Variants in FBXL4 observed in about 807,000 individuals in gnomAD.
The protein encoded by FBXL4 is F-box/LRR-repeat protein 4.
A neutral mutation model predicts 58.9 loss-of-function variants in FBXL4; 40 were observed. That is an observed-to-expected ratio of 0.68 (90% CI 0.53 to 0.88). The LOEUF (loss-of-function observed/expected upper bound fraction) is 0.88. Ranked by LOEUF, FBXL4 falls within the 40% of genes least tolerant of loss-of-function variation. The probability of loss-of-function intolerance (pLI) is 0.00; values close to 1 mark genes in which losing one functional copy is unlikely to be tolerated. For missense variants in FBXL4, 676 were observed against 734.4 expected, an observed-to-expected ratio of 0.92 and a Z score of 0.92; for synonymous variants, 263 against 265.5, an observed-to-expected ratio of 0.99 and a Z score of 0.09.
At chr6:98,917,795 C>T (rs1043584501) in intron 4 of FBXL4, 76 bp from the exon 5 acceptor site, 23 of 957,146 alleles carry the variant, frequency 2.4e-5, no homozygotes, top group Non-Finnish European at 3.6e-5. Flanking sequence ...TAGACCCATG[C>T]CCAATATGTC....
At chr6:98,895,220 C>G (rs1180312025) in intron 7 of FBXL4, among the ~76,000 whole-genome samples, 3 of 152,190 alleles carry the variant, frequency 2.0e-5, no homozygotes, top group African/African-American at 7.2e-5. Context: ...TACAAACTTT[C>G]ACTTAAATGT....
At chr6:98,901,807 T>C (rs977908769) in intron 6 of FBXL4, among the ~76,000 whole-genome samples, 2 of 152,176 alleles carry the variant, frequency 1.3e-5, no homozygotes, top group African/African-American at 4.8e-5. Context: ...ATGTATTTTT[T>C]CATCTCAACT....
rs576109702 is a variant in FBXL4, at chr6:98,911,166, A to G, written c.859-5496T>C. On this transcript the variant is annotated intron_variant, in intron 5 of 9. Coordinates refer to ENST00000369244, the MANE Select transcript of FBXL4 (RefSeq NM_001278716.2). ...TGCCCAGGCTCACTTAGGTAAACAA[A>G]GCAGCCGGGAAGCTCAAACTGGGTG... Among the ~76,000 whole-genome samples, 8 of 152,320 alleles carry G rather than the reference A, an allele frequency of 5.3e-5. No homozygotes were observed. The East Asian group carries it at 1.4e-3, about 26-fold the overall frequency.
rs753998502 is a variant in FBXL4 at position 98,917,703 on chromosome 6, A to T, written c.529T>A (p.Ser177Thr). ...GCATTCACCTTCGTAGGTCTCTCTG[A>T]CCAAAGAATCTCCCATCTGCCAAAA... is the stretch of plus-strand genomic sequence containing the variant. ...PAEVRWEILW[S>T]ERPTKVNASQ... Residue 177 changes from serine (S) to threonine (T), a missense_variant, in exon 5 of 10, where the codon TCA becomes ACA. Physicochemically the swap from Ser to Thr is moderately conservative, Grantham distance 58. Transcript: ENST00000369244. The T allele has an allele frequency of 4.4e-6, 7 of 1,598,040 alleles. No homozygotes were observed. The Admixed American group carries it at 1.2e-4, about 28-fold the overall frequency.
intron 5 of FBXL4, among the ~76,000 whole-genome samples, chr6:98,906,538 A>G (rs182515102): frequency 8.8e-4 from 134 of 152,322 alleles, no homozygotes; most frequent in African/African-American, 2.6e-3. Context: ...TCCATGGTAC[A>G]TATGTGCCAC....
Position 98,874,264 on chromosome 6 carries a change from G to A in FBXL4, c.*14C>T, listed in dbSNP as rs1288739916. Reference sequence around the variant, plus strand: ...AACAAAGCACATTAATTTTAATACAGAACATATATTAAGTCACTGAGTAAA... The same window carrying A: ...AACAAAGCACATTAATTTTAATACAAAACATATATTAAGTCACTGAGTAAA... On this transcript the variant is annotated 3_prime_UTR_variant, in exon 10 of 10. Transcript: ENST00000369244. The A allele has an allele frequency of 6.4e-7, 1 of 1,553,398 alleles. No homozygotes were observed.
At chr6:98,944,337 A>T (rs1227341749) in intron 1 of FBXL4, among the ~76,000 whole-genome samples, 2 of 152,222 alleles carry the variant, frequency 1.3e-5, no homozygotes, top group Non-Finnish European at 2.9e-5. Context: ...TAATAGCCAC[A>T]ATATGTAAAG....
intron 4 of FBXL4, among the ~76,000 whole-genome samples, chr6:98,925,848 G>T (rs1361779829): frequency 6.6e-6 from 1 of 152,136 alleles, no homozygotes; most frequent in Non-Finnish European, 1.5e-5. Context: ...TTCGAGGGAG[G>T]AATGGGTCCT....
intron 7 of FBXL4, chr6:98,898,808 T>C: frequency 1.0e-6 from 1 of 985,330 alleles, no homozygotes; most frequent in African/African-American, 1.7e-5. Flanking sequence ...AAAAAGCAAG[T>C]AGACTAATAT....
At chr6:98,879,140 G>A (rs1383625928) in intron 8 of FBXL4, among the ~76,000 whole-genome samples, 1 of 152,166 alleles carries the variant, frequency 6.6e-6, no homozygotes, top group African/African-American at 2.4e-5. Flanking sequence ...AGCTCTAAGA[G>A]GTGTTCAAAT....
chr6:98,897,399 C>G, intron 7 of FBXL4: 5 of 961,694 alleles, frequency 5.2e-6, no homozygotes, highest in Non-Finnish European at 6.2e-6. Flanking sequence ...TTTCATTTTA[C>G]AAATAAAAAA....
chr6:98,947,631 G>A (rs1044842073), intron 1 of FBXL4, among the ~76,000 whole-genome samples, 175 bp downstream of exon 1: 5 of 152,174 alleles, frequency 3.3e-5, no homozygotes, highest in African/African-American at 4.8e-5. Context: ...AGCGTGAAGC[G>A]GAGGCGCGGG....
chr6:98,945,940 A>G (rs1773604902), intron 1 of FBXL4, among the ~76,000 whole-genome samples: 1 of 152,222 alleles, frequency 6.6e-6, no homozygotes, highest in Non-Finnish European at 1.5e-5. Flanking sequence ...TCAACTGACC[A>G]TGGAAAAAGC....
chr6:98,908,994 T>C (rs1480395009), intron 5 of FBXL4, among the ~76,000 whole-genome samples: 1 of 104,228 alleles, frequency 9.6e-6, no homozygotes, highest in Non-Finnish European at 1.9e-5. Flanking sequence ...AGTATTTTCA[T>C]ATTTTTAGGC....
At chr6:98,932,604 C>G in intron 2 of FBXL4, among the ~76,000 whole-genome samples, 2 of 151,944 alleles carry the variant, frequency 1.3e-5, no homozygotes, top group Middle Eastern at 3.4e-3. Context: ...CAGGAGCTGC[C>G]GAGAAGTCGG....
chr6:98,940,789 G>A (rs1773404054), intron 1 of FBXL4, among the ~76,000 whole-genome samples: 1 of 151,878 alleles, frequency 6.6e-6, no homozygotes, highest in Non-Finnish European at 1.5e-5. Flanking sequence ...ACTTGTACAT[G>A]TCCTAGCAAA....
At position 98,923,512 on chromosome 6, in the gene FBXL4, G is replaced by A. The variant is rs752717189; in HGVS notation, c.512+2965C>T. ...CCATGATCTTAGCTCATGATCTCAC[G>A]TTCAAATGTGCTGTTGTCTCTCCTC... On this transcript the variant is annotated intron_variant, in intron 4 of 9. Transcript: ENST00000369244. Among the ~76,000 whole-genome samples, 179 of 152,188 alleles carry A rather than the reference G, an allele frequency of 1.2e-3. 2 individuals carry two copies. Among genetic ancestry groups the A allele is most frequent in the Admixed American group, 2.2e-3 (34 of 15,292 alleles).
At chr6:98,944,602 C>A (rs894807959) in intron 1 of FBXL4, among the ~76,000 whole-genome samples, 19 of 152,104 alleles carry the variant, frequency 1.2e-4, no homozygotes, top group African/African-American at 4.1e-4. Context: ...GAGGCACTGA[C>A]GGCCTTTATT....
rs1047616408 is a variant in FBXL4 at position 98,873,421 on chromosome 6, T to A, written c.*857A>T. ...TTATATAATTCAGAAACCTCAAAACTTTACCTTTCACAAAATGTTAAGGCA... is the reference window on the plus strand; with the variant it reads ...TTATATAATTCAGAAACCTCAAAACATTACCTTTCACAAAATGTTAAGGCA... On this transcript the variant is annotated 3_prime_UTR_variant, in exon 10 of 10. Transcript: ENST00000369244. 5.3e-5 allele frequency: 8 copies of A among 150,984 alleles called. No individual in the cohort carries two copies. Among genetic ancestry groups the A allele is most frequent in the Non-Finnish European group, 7.4e-5 (5 of 67,806 alleles). The allele number at this position is 150,984 out of a possible 1,614,324, so 9.4% of individuals were successfully genotyped here.
Sources: allele counts gnomAD v4.1 joint callset (sites outside exome capture counted in the v4.1 genomes callset), GRCh38; gene constraint gnomAD v4.1.1; transcripts MANE v1.5; gene names NCBI Gene and HGNC (gene_info 2026-07-23, HGNC 2026-07-21).